GRID2: variants seen among roughly 807,000 people sequenced by gnomAD.
The protein encoded by GRID2 is glutamate ionotropic receptor delta type subunit 2.
In GRID2, 33 loss-of-function variants were observed where a neutral mutation model predicts 114.8. That is an observed-to-expected ratio of 0.29 (90% CI 0.22 to 0.38). GRID2 has a LOEUF of 0.38. GRID2 is among the 10% of genes least tolerant of loss of function. GRID2 has a pLI of 1.00. For synonymous variants in GRID2, 505 were observed against 449.9 expected, an observed-to-expected ratio of 1.12 and a Z score of -1.55; for missense variants, 1,184 against 1,257.7, an observed-to-expected ratio of 0.94 and a Z score of 0.89.
At chr4:92,515,729 G>C (rs1466523120) in intron 1 of GRID2, among the ~76,000 whole-genome samples, 1 of 151,844 alleles carries the variant, frequency 6.6e-6, no homozygotes, top group Non-Finnish European at 1.5e-5. Context: ...TATTTATTGA[G>C]TACCTACTAA....
chr4:92,990,496 G>A (rs2149202859), intron 2 of GRID2, among the ~76,000 whole-genome samples: 1 of 151,758 alleles, frequency 6.6e-6, no homozygotes, highest in Middle Eastern at 3.4e-3. Flanking sequence ...TTTTAGTAGA[G>A]ACGGTGCGGG....
chr4:92,795,140 A>G (rs1578201481), intron 2 of GRID2, among the ~76,000 whole-genome samples: 2 of 151,624 alleles, frequency 1.3e-5, no homozygotes, highest in African/African-American at 4.8e-5. Flanking sequence ...GAACAGGTGG[A>G]GGAGGTGGAA....
At chr4:92,737,947 T>C (rs1736681929) in intron 2 of GRID2, among the ~76,000 whole-genome samples, 2 of 152,308 alleles carry the variant, frequency 1.3e-5, no homozygotes, top group African/African-American at 4.8e-5. Flanking sequence ...CCGGTAATTG[T>C]TTCCTCTCTA....
At chr4:92,643,063 T>C (rs987459479) in intron 2 of GRID2, among the ~76,000 whole-genome samples, 1 of 151,798 alleles carries the variant, frequency 6.6e-6, no homozygotes, top group Non-Finnish European at 1.5e-5. Context: ...TTGCTTGGGA[T>C]TGTTTTGGTT....
chr4:92,844,656 A>G (rs1743162755), intron 2 of GRID2, among the ~76,000 whole-genome samples: 1 of 150,784 alleles, frequency 6.6e-6, no homozygotes, highest in Non-Finnish European at 1.5e-5. Context: ...TGAAAATTTC[A>G]GATTGTGCCA....
chr4:93,684,068 A>C (rs375973699), intron 14 of GRID2, among the ~76,000 whole-genome samples: 9 of 152,230 alleles, frequency 5.9e-5, no homozygotes, highest in African/African-American at 2.2e-4. Context: ...TTATATATGG[A>C]ATTATAGTTA....
At chr4:93,328,364 TGAAAAA>T (rs1235953491) in intron 8 of GRID2, among the ~76,000 whole-genome samples, 1 of 152,136 alleles carries the variant, frequency 6.6e-6, no homozygotes, top group African/African-American at 2.4e-5. Context: ...TTTCATTGTA[TGAAAAA>T]GAAAGTCCAT....
intron 2 of GRID2, among the ~76,000 whole-genome samples, chr4:92,927,804 A>G (rs1386296512): frequency 1.3e-5 from 2 of 151,720 alleles, no homozygotes; most frequent in Non-Finnish European, 3.0e-5. Flanking sequence ...TATTTATACA[A>G]CACTTCTCAA....
intron 2 of GRID2, among the ~76,000 whole-genome samples, chr4:92,985,826 C>T (rs1255141645): frequency 6.6e-6 from 1 of 152,100 alleles, no homozygotes; most frequent in African/African-American, 2.4e-5. Context: ...GTTTGAACTT[C>T]CTATTGAAGT....
At chr4:92,515,902 T>C (rs1007704502) in intron 1 of GRID2, among the ~76,000 whole-genome samples, 2 of 152,086 alleles carry the variant, frequency 1.3e-5, no homozygotes, top group East Asian at 3.9e-4. Flanking sequence ...ATGATTAACA[T>C]TTTTACATAG....
chr4:92,746,879 G>A (rs919214165), intron 2 of GRID2, among the ~76,000 whole-genome samples: 2 of 151,900 alleles, frequency 1.3e-5, no homozygotes, highest in Non-Finnish European at 2.9e-5. Context: ...TTAACCCATC[G>A]GGCCTATGCA....
At chr4:93,316,751 A>G (rs536985420) in intron 8 of GRID2, among the ~76,000 whole-genome samples, 1 of 152,190 alleles carries the variant, frequency 6.6e-6, no homozygotes, top group Non-Finnish European at 1.5e-5. Flanking sequence ...ATTTGAAAGG[A>G]GAGCAACAGT....
chr4:93,146,744 G>A (rs1736302122), intron 4 of GRID2, among the ~76,000 whole-genome samples: 1 of 152,040 alleles, frequency 6.6e-6, no homozygotes, highest in South Asian at 2.1e-4. Context: ...TGTGCACTTA[G>A]TGTGTAAATA....
intron 2 of GRID2, among the ~76,000 whole-genome samples, chr4:92,702,045 A>G (rs550043740): frequency 4.1e-4 from 62 of 152,244 alleles, no homozygotes; most frequent in Non-Finnish European, 5.4e-4. Flanking sequence ...AGGACATCCT[A>G]ATGGTGTAGC....
At chr4:92,702,453 A>C (rs1199144258) in intron 2 of GRID2, 1 of 152,084 alleles carries the variant, frequency 6.6e-6, no homozygotes, top group Admixed American at 6.6e-5. Context: ...CAAAGGATCC[A>C]ATATTTTAGG....
intron 8 of GRID2, among the ~76,000 whole-genome samples, chr4:93,279,551 G>A (rs1440071743): frequency 6.6e-6 from 1 of 151,672 alleles, no homozygotes; most frequent in Non-Finnish European, 1.5e-5. Flanking sequence ...CTATAAATTG[G>A]AAGAACTCAG....
At chr4:93,032,574 T>C (rs1329827930) in intron 2 of GRID2, among the ~76,000 whole-genome samples, 1 of 152,150 alleles carries the variant, frequency 6.6e-6, no homozygotes, top group Non-Finnish European at 1.5e-5. Flanking sequence ...AGAAAGTATT[T>C]ATTGATGTTT....
chr4:93,059,553 AC>A lies in GRID2; in HGVS notation c.245-25441del, dbSNP rs1169410985. The stretch of plus-strand genomic sequence containing the variant: ...ATTGCTCCTAGTTAAGAGCCACTGG[AC>A]TAATTGTTGAATCAAATTATTTTCA... On this transcript the variant is annotated intron_variant, in intron 2 of 15. Coordinates refer to ENST00000282020, the MANE Select transcript of GRID2 (RefSeq NM_001510.4). 9.9e-5 allele frequency among the ~76,000 whole-genome samples: 15 copies of A among 152,224 alleles called. 1 individual carries two copies. The highest frequency in any genetic ancestry group is 4.6e-4 in the Admixed American group (7 of 15,252).
At position 92,610,248 on chromosome 4, in the gene GRID2, A is replaced by G. The variant is rs531139205; in HGVS notation, c.244+19962A>G. Among the ~76,000 whole-genome samples the G allele has an allele frequency of 2.6e-5, 4 of 151,716 alleles. No homozygotes were observed. The East Asian group carries it at 7.8e-4, about 30-fold the overall frequency. On this transcript the variant is annotated intron_variant, in intron 2 of 15. Transcript: ENST00000282020. Reference sequence around the variant, plus strand: ...CCCAGGTTTTACCAGGCAGATGGGGACAATGCATTAGGGGATGACTGAGCA... The same window carrying G: ...CCCAGGTTTTACCAGGCAGATGGGGGCAATGCATTAGGGGATGACTGAGCA...
Sources: gnomAD v4.1 joint callset for allele counts (sites outside exome capture counted in the v4.1 genomes callset) on GRCh38, gnomAD v4.1.1 for gene constraint, MANE v1.5 for transcripts, NCBI Gene and HGNC (gene_info 2026-07-23, HGNC 2026-07-21) for gene names.